The following ABCA12 variants were observed in gnomAD, a reference collection of about 807,000 sequenced individuals.
ABCA12 encodes the protein ATP binding cassette subfamily A member 12.
A neutral mutation model predicts 293.5 loss-of-function variants in ABCA12; 156 were observed. The observed-to-expected ratio is 0.53, with a 90% confidence interval of 0.47 to 0.61. The LOEUF is 0.61. ABCA12 is among the 20% of genes least tolerant of loss of function. The pLI is 0.00. For missense variants in ABCA12, 2,797 were observed against 3,090.2 expected (o/e 0.91, Z 2.25); for synonymous variants, 1,063 against 1,108.0 (o/e 0.96, Z 0.81).
At chr2:215,103,031 T>C (rs1034108803) in intron 2 of ABCA12, among the ~76,000 whole-genome samples, 2 of 152,212 alleles carry the variant, frequency 1.3e-5, no homozygotes, top group African/African-American at 4.8e-5. Context: ...CTTGCCTTGG[T>C]CCCAGGCAGT....
chr2:215,024,210 C>A (rs1180317892), intron 11 of ABCA12, among the ~76,000 whole-genome samples: 1 of 152,206 alleles, frequency 6.6e-6, no homozygotes, highest in African/African-American at 2.4e-5. Flanking sequence ...GATATCCCGC[C>A]TCCATGCACA....
chr2:215,008,441 C>A (rs1190840328), intron 18 of ABCA12, among the ~76,000 whole-genome samples: 1 of 151,694 alleles, frequency 6.6e-6, no homozygotes, highest in South Asian at 2.1e-4. Flanking sequence ...AATTAATGCC[C>A]AACACCTGAT....
chr2:215,134,226 A>G (rs1703123956), intron 1 of ABCA12, among the ~76,000 whole-genome samples: 1 of 149,802 alleles, frequency 6.7e-6, no homozygotes, highest in Non-Finnish European at 1.5e-5. Flanking sequence ...CTATTTTAGC[A>G]TATATATATG....
chr2:214,953,001 A>G (rs1479402122), intron 44 of ABCA12, among the ~76,000 whole-genome samples: 1 of 152,220 alleles, frequency 6.6e-6, no homozygotes, highest in African/African-American at 2.4e-5. Context: ...AAAACTGGTC[A>G]TCTTCAACTG....
chr2:214,972,178 A>G (rs1396425635), intron 36 of ABCA12, among the ~76,000 whole-genome samples: 6 of 151,760 alleles, frequency 4.0e-5, no homozygotes, highest in East Asian at 3.9e-4. Context: ...ATCATTCTCT[A>G]CTCTGTGGAT....
chr2:215,026,876 A>ATAT lies in ABCA12; in HGVS notation c.1121_1123dup (p.Tyr374_Ile375insAsn), dbSNP rs1279637068. ...ATTTCTCACACATGCCAAGTAAGGA[A>ATAT]TATAAGGACTATTTGCTGATATATT... On this transcript the variant is annotated inframe_insertion, in exon 10 of 53. Transcript: ENST00000272895. The ATAT allele has an allele frequency of 6.2e-7, 1 of 1,613,806 alleles. No individual in the cohort carries two copies. The highest frequency in any genetic ancestry group is 1.1e-5 in the South Asian group (1 of 91,084).
chr2:215,131,707 T>C (rs1224344110), intron 1 of ABCA12, among the ~76,000 whole-genome samples: 8 of 148,020 alleles, frequency 5.4e-5, no homozygotes, highest in African/African-American at 2.0e-4. Flanking sequence ...CTATTGTTTT[T>C]TTTTTTTTTT....
intron 27 of ABCA12, 77 bp downstream of exon 27, chr2:214,987,570 A>G: frequency 6.5e-7 from 1 of 1,529,152 alleles, no homozygotes; most frequent in Non-Finnish European, 8.8e-7. Flanking sequence ...TTAGAAAAAA[A>G]TAATTGAAAC....
chr2:215,129,833 G>T (rs1460555209), intron 1 of ABCA12, among the ~76,000 whole-genome samples: 2 of 152,018 alleles, frequency 1.3e-5, no homozygotes. Flanking sequence ...GTTTTTCCAG[G>T]CTTTCTTTTA....
intron 2 of ABCA12, among the ~76,000 whole-genome samples, chr2:215,103,913 G>C (rs191673559): frequency 1.6e-4 from 24 of 152,128 alleles, no homozygotes; most frequent in Admixed American, 1.6e-3. Context: ...CTTGAACCCT[G>C]GTGGTGGAGG....
Position 214,964,285 on chromosome 2 carries a change from A to C in ABCA12, c.5884+2563T>G, listed in dbSNP as rs528091290. On this transcript the variant is annotated intron_variant, in intron 39 of 52. Coordinates refer to ENST00000272895, the MANE Select transcript of ABCA12 (RefSeq NM_173076.3). The stretch of plus-strand genomic sequence containing the variant: ...CAGCCAATATCATACTGAATGGGCA[A>C]AAGCTGGAAGCATTCCCCCTGAAAA... Among the ~76,000 whole-genome samples the C allele has an allele frequency of 3.9e-5, 6 of 152,342 alleles. 1 individual carries two copies. Among genetic ancestry groups the C allele is most frequent in the African/African-American group, 1.2e-4 (5 of 41,582 alleles).
At chr2:215,073,824 A>G (rs936914865) in intron 2 of ABCA12, among the ~76,000 whole-genome samples, 4 of 152,166 alleles carry the variant, frequency 2.6e-5, no homozygotes, top group Non-Finnish European at 5.9e-5. Flanking sequence ...TCCTGTTACT[A>G]TGATCTCCAA....
intron 1 of ABCA12, among the ~76,000 whole-genome samples, chr2:215,112,459 G>T (rs1335965032): frequency 6.7e-6 from 1 of 148,590 alleles, no homozygotes; most frequent in African/African-American, 2.5e-5. Context: ...AACACATACT[G>T]CATTGAAATT....
intron 29 of ABCA12, among the ~76,000 whole-genome samples, chr2:214,983,251 G>C (rs1699708630): frequency 6.6e-6 from 1 of 152,134 alleles, no homozygotes; most frequent in Non-Finnish European, 1.5e-5. Flanking sequence ...GGAAGCCACT[G>C]GACGATTTAA....
intron 22 of ABCA12, among the ~76,000 whole-genome samples, chr2:215,000,237 G>T (rs1700114853): frequency 6.6e-6 from 1 of 152,200 alleles, no homozygotes; most frequent in East Asian, 1.9e-4. Context: ...TGAAATAGTT[G>T]ATCAAAATGT....
At chr2:215,072,920 C>A (rs535902099) in intron 2 of ABCA12, among the ~76,000 whole-genome samples, 12 of 152,214 alleles carry the variant, frequency 7.9e-5, no homozygotes, top group African/African-American at 2.9e-4. Context: ...CATGGTGAAA[C>A]CCTGTCTCTA....
Position 214,966,919 on chromosome 2 carries a change from G to C in ABCA12, c.5813C>G (p.Pro1938Arg). Residue 1938 changes from proline to arginine, a missense_variant, in exon 39 of 53, where the codon CCA becomes CGA. Physicochemically the swap from Pro to Arg is moderately radical, Grantham distance 103. Transcript: ENST00000272895. ...ATTATTCAGGCTGTTGAGGTAAGCT[G>C]GAAGGGAGTGATAGCCTTCTGGATC... ...WYDPEGYHSL[P>R]AYLNSLNNFL... The C allele has an allele frequency of 6.2e-7, 1 of 1,613,826 alleles. No homozygotes were observed. The highest frequency in any genetic ancestry group is 8.5e-7 in the Non-Finnish European group (1 of 1,179,786).
At chr2:215,110,650 G>T (rs867042643) in intron 2 of ABCA12, among the ~76,000 whole-genome samples, 1 of 152,192 alleles carries the variant, frequency 6.6e-6, no homozygotes, top group Non-Finnish European at 1.5e-5. Flanking sequence ...CATGATTCAC[G>T]TAAATTCTGC....
intron 1 of ABCA12, among the ~76,000 whole-genome samples, chr2:215,123,406 G>A (rs1702849681): frequency 1.3e-5 from 2 of 152,024 alleles, no homozygotes; most frequent in Non-Finnish European, 2.9e-5. Flanking sequence ...CCTGATCTCA[G>A]GTGATCTGCC....
Sources: gnomAD v4.1 joint callset for allele counts (sites outside exome capture counted in the v4.1 genomes callset) on GRCh38, gnomAD v4.1.1 for gene constraint, MANE v1.5 for transcripts, NCBI Gene and HGNC (gene_info 2026-07-23, HGNC 2026-07-21) for gene names.